ATRNL1: variants seen among roughly 807,000 people sequenced by gnomAD.
The protein encoded by ATRNL1 is attractin-like protein 1.
Under a neutral mutation model 182.7 loss-of-function variants are expected in ATRNL1, and 95 were observed. The ratio of observed to expected loss-of-function variants is 0.52; its 90% CI spans 0.44 to 0.62. The LOEUF is 0.62. Among genes scored for constraint, ATRNL1 ranks in the 20% least tolerant of loss-of-function variants. The pLI is 0.00. For synonymous variants in ATRNL1, 576 were observed against 568.3 expected (o/e 1.01, Z -0.19); for missense variants, 1,471 against 1,679.5 (o/e 0.88, Z 2.17).
At chr10:115,925,138 C>T (rs1011625337) in intron 28 of ATRNL1, among the ~76,000 whole-genome samples, 2 of 151,910 alleles carry the variant, frequency 1.3e-5, no homozygotes, top group African/African-American at 4.8e-5. Context: ...CAGTTTAAGA[C>T]GTTTTGGGGC....
At chr10:115,454,598 G>A (rs1312142479) in intron 21 of ATRNL1, among the ~76,000 whole-genome samples, 1 of 151,902 alleles carries the variant, frequency 6.6e-6, no homozygotes, top group Non-Finnish European at 1.5e-5. Context: ...AGTTTTTAAT[G>A]TTCAAGTCTT....
In ATRNL1 at chr10:115,176,462, A is replaced by G. The variant is rs1200707993; in HGVS notation, c.1348+5170A>G. Among the ~76,000 whole-genome samples the G allele has an allele frequency of 3.3e-5, 5 of 152,280 alleles. No homozygotes were observed. The East Asian group carries it at 9.7e-4, about 29-fold the overall frequency. On this transcript the variant is annotated intron_variant, in intron 8 of 28. Coordinates refer to ENST00000355044, the MANE Select transcript of ATRNL1 (RefSeq NM_207303.4). ...AAGAACAGAAAGAGGATAGTTAGGA[A>G]GTTGTTAACGGTAATCTGGGCCAAA...
intron 26 of ATRNL1, among the ~76,000 whole-genome samples, chr10:115,580,044 T>G (rs1555006698): frequency 1.3e-5 from 2 of 152,094 alleles, no homozygotes; most frequent in African/African-American, 2.4e-5. Flanking sequence ...AATTTACAAC[T>G]TCTTATATTG....
chr10:115,805,820 T>C (rs1419278462), intron 27 of ATRNL1, among the ~76,000 whole-genome samples: 1 of 152,150 alleles, frequency 6.6e-6, no homozygotes, highest in African/African-American at 2.4e-5. Context: ...CCTTAAATCA[T>C]GTCAGAAAAC....
intron 26 of ATRNL1, among the ~76,000 whole-genome samples, chr10:115,593,021 AAATGT>A (rs1284770621): frequency 2.6e-5 from 4 of 152,140 alleles, no homozygotes; most frequent in African/African-American, 9.7e-5. Context: ...TAATGAGTAG[AAATGT>A]ATTTCTTAGA....
chr10:115,647,554 T>A (rs1328570860), intron 26 of ATRNL1, among the ~76,000 whole-genome samples: 2 of 152,230 alleles, frequency 1.3e-5, no homozygotes, highest in African/African-American at 4.8e-5. Context: ...TGGCCAGCGA[T>A]GATGAGCATT....
At chr10:115,485,455 A>T (rs143594820) in intron 24 of ATRNL1, among the ~76,000 whole-genome samples, 1 of 152,006 alleles carries the variant, frequency 6.6e-6, no homozygotes, top group Non-Finnish European at 1.5e-5. Flanking sequence ...TAAAATATGC[A>T]TTACCTCACA....
At chr10:115,362,039 C>T (rs1378209709) in intron 19 of ATRNL1, among the ~76,000 whole-genome samples, 1 of 151,936 alleles carries the variant, frequency 6.6e-6, no homozygotes, top group African/African-American at 2.4e-5. Flanking sequence ...ACAAAGTAAT[C>T]TGATTAAGTC....
At chr10:115,899,210 C>T (rs1952286494) in intron 28 of ATRNL1, among the ~76,000 whole-genome samples, 1 of 152,070 alleles carries the variant, frequency 6.6e-6, no homozygotes, top group African/African-American at 2.4e-5. Flanking sequence ...TGTTCAATTC[C>T]CATCTATGAG....
chr10:115,642,100 C>T (rs906735712), intron 26 of ATRNL1, among the ~76,000 whole-genome samples: 4 of 152,060 alleles, frequency 2.6e-5, no homozygotes, highest in African/African-American at 9.7e-5. Context: ...TTTTAAATTA[C>T]ATCGTACAGC....
At chr10:115,183,261 A>G (rs1414234693) in intron 8 of ATRNL1, among the ~76,000 whole-genome samples, 5 of 151,536 alleles carry the variant, frequency 3.3e-5, no homozygotes, top group African/African-American at 1.2e-4. Context: ...AAACAACTCT[A>G]TTAATATGAA....
chr10:115,843,015 A>C (rs1276817381), intron 27 of ATRNL1, among the ~76,000 whole-genome samples: 1 of 152,016 alleles, frequency 6.6e-6, no homozygotes, highest in Non-Finnish European at 1.5e-5. Flanking sequence ...TATCCCTTTA[A>C]TATCCACAAT....
chr10:115,902,203 G>T (rs1952375541), intron 28 of ATRNL1, among the ~76,000 whole-genome samples: 1 of 152,074 alleles, frequency 6.6e-6, no homozygotes, highest in African/African-American at 2.4e-5. Flanking sequence ...GGCGCCTTGT[G>T]CTTTGTATTC....
Position 115,942,658 on chromosome 10 carries a change from A to T in ATRNL1, c.4019-2000A>T, listed in dbSNP as rs577212577. ...ATAATGATATTCTACGTAGGATAAG[A>T]TCTGAAAATGATCTTCCTCTAAGAG... On this transcript the variant is annotated intron_variant, in intron 28 of 28. Coordinates refer to ENST00000355044, the MANE Select transcript of ATRNL1 (RefSeq NM_207303.4). Among the ~76,000 whole-genome samples, 3 of 152,372 alleles carry T rather than the reference A, an allele frequency of 2.0e-5. No homozygotes were observed. The South Asian group carries it at 6.2e-4, about 32-fold the overall frequency.
intron 27 of ATRNL1, among the ~76,000 whole-genome samples, chr10:115,794,004 A>G (rs1362057457): frequency 6.6e-6 from 1 of 152,318 alleles, no homozygotes; most frequent in East Asian, 1.9e-4. Flanking sequence ...GAAGACAACA[A>G]TGTCATAATG....
At chr10:115,243,689 T>G (rs1564846098) in intron 10 of ATRNL1, among the ~76,000 whole-genome samples, 1 of 152,120 alleles carries the variant, frequency 6.6e-6, no homozygotes. Context: ...TTCTTAATGC[T>G]GTAGAAATAT....
At chr10:115,869,335 A>G (rs965793045) in intron 28 of ATRNL1, among the ~76,000 whole-genome samples, 2 of 152,172 alleles carry the variant, frequency 1.3e-5, no homozygotes, top group South Asian at 2.1e-4. Flanking sequence ...AAAATATACA[A>G]TGGGAGGCTT....
chr10:115,905,410 T>C (rs1952474173), intron 28 of ATRNL1, among the ~76,000 whole-genome samples: 1 of 151,630 alleles, frequency 6.6e-6, no homozygotes, highest in Non-Finnish European at 1.5e-5. Context: ...TTTTAAGTTT[T>C]GTAGAGGCAG....
intron 3 of ATRNL1, among the ~76,000 whole-genome samples, chr10:115,124,104 C>T (rs967498399): frequency 6.6e-6 from 1 of 151,916 alleles, no homozygotes; most frequent in African/African-American, 2.4e-5. Flanking sequence ...AATCATCCTC[C>T]CCCGGTCTGT....
Sources: gnomAD v4.1 joint callset for allele counts (sites outside exome capture counted in the v4.1 genomes callset) on GRCh38, gnomAD v4.1.1 for gene constraint, MANE v1.5 for transcripts, NCBI Gene and HGNC (gene_info 2026-07-23, HGNC 2026-07-21) for gene names.